The following SDK1 variants were observed in gnomAD, a reference collection of about 807,000 sequenced individuals.
The protein encoded by SDK1 is protein sidekick-1.
Under a neutral mutation model 245.5 loss-of-function variants are expected in SDK1, and 157 were observed. The ratio of observed to expected loss-of-function variants is 0.64; its 90% CI spans 0.56 to 0.73. SDK1 has a LOEUF of 0.73. Among genes scored for constraint, SDK1 ranks in the 30% least tolerant of loss-of-function variants. The pLI, the probability that SDK1 is intolerant of heterozygous loss-of-function variation, is 0.00. For missense variants in SDK1, 3,583 were observed against 3,002.3 expected (o/e 1.19, Z -4.52); for synonymous variants, 1,647 against 1,278.5 (o/e 1.29, Z -6.15).
rs531128728 is a variant in SDK1 at position 3,607,600 on chromosome 7, C to A, written c.299-11480C>A. Among the ~76,000 whole-genome samples, 14 of 152,298 alleles carry A rather than the reference C, an allele frequency of 9.2e-5. 1 individual carries two copies. The South Asian group carries it at 2.5e-3, about 27-fold the overall frequency. On this transcript the variant is annotated intron_variant, in intron 1 of 44. Coordinates refer to ENST00000404826, the MANE Select transcript of SDK1 (RefSeq NM_152744.4). ...CCAATATCTAGACTTCTCTAGAATT[C>A]TGAAGTAATTGAAAGTATGAATGCT...
At chr7:3,884,187 C>T (rs1313387029) in intron 5 of SDK1, among the ~76,000 whole-genome samples, 15 of 151,362 alleles carry the variant, frequency 9.9e-5, no homozygotes, top group Admixed American at 9.9e-4. Context: ...CTCAAGCGAT[C>T]CTCCCACCTC....
At chr7:3,700,789 T>G (rs10247060) in intron 4 of SDK1, among the ~76,000 whole-genome samples, 2,063 of 152,278 alleles carry the variant, frequency 0.014, 48 homozygotes, top group African/African-American at 0.047. Flanking sequence ...ACTTTTGCAC[T>G]TTTTGTTCTT....
intron 2 of SDK1, among the ~76,000 whole-genome samples, chr7:3,620,132 G>C (rs1418118883): frequency 1.3e-5 from 2 of 152,058 alleles, no homozygotes; most frequent in East Asian, 3.9e-4. Flanking sequence ...GGAATAACAA[G>C]CTTCTCAAAT....
chr7:4,245,808 C>A lies in SDK1; in HGVS notation c.6381+3C>A. 2 of 1,613,708 alleles carry A rather than the reference C, an allele frequency of 1.2e-6. No homozygotes were observed. Among genetic ancestry groups the A allele is most frequent in the South Asian group, 2.2e-5 (2 of 91,018 alleles). On this transcript the variant is annotated splice_donor_region_variant and intron_variant, in intron 44 of 44. Transcript: ENST00000404826. The stretch of plus-strand genomic sequence containing the variant: ...CGGCAGATGCATCAGAATCTGAGGT[C>A]AGTGTCGGTGCCTACTTCCGGGCAG...
At chr7:3,792,507 T>C (rs549243067) in intron 4 of SDK1, among the ~76,000 whole-genome samples, 1 of 152,378 alleles carries the variant, frequency 6.6e-6, no homozygotes, top group South Asian at 2.1e-4. Context: ...GTGTCATTCA[T>C]GTTAGTTGAT....
chr7:4,018,230 T>G (rs1484893845), intron 17 of SDK1, among the ~76,000 whole-genome samples: 1 of 152,268 alleles, frequency 6.6e-6, no homozygotes, highest in Non-Finnish European at 1.5e-5. Flanking sequence ...GCTTAGGCAT[T>G]TTTATTGCTA....
In SDK1 at chr7:3,353,992, T is replaced by G. The variant is rs182195659; in HGVS notation, c.298+52108T>G. 4.2e-3 allele frequency among the ~76,000 whole-genome samples: 635 copies of G among 151,908 alleles called. 6 individuals carry two copies. The highest frequency in any genetic ancestry group is 0.017 in the South Asian group (84 of 4,816). ...TAGCCACATTTCAGACCATTTTTCT[T>G]TTCTTTTTTTTTTTTTTTGGGACAG... On this transcript the variant is annotated intron_variant, in intron 1 of 44. Transcript: ENST00000404826.
At chr7:3,612,197 C>T (rs368508203) in intron 1 of SDK1, among the ~76,000 whole-genome samples, 2 of 152,106 alleles carry the variant, frequency 1.3e-5, no homozygotes, top group African/African-American at 2.4e-5. Context: ...AAAGAACTTA[C>T]TCGTGTAACC....
intron 13 of SDK1, among the ~76,000 whole-genome samples, chr7:3,975,788 T>C (rs540312504): frequency 6.6e-6 from 1 of 152,356 alleles, no homozygotes; most frequent in South Asian, 2.1e-4. Context: ...CCTTGTTCTC[T>C]TTAGATAGCA....
chr7:4,077,261 G>A, intron 21 of SDK1, 72 bp downstream of exon 21: 1 of 1,458,152 alleles, frequency 6.9e-7, no homozygotes. Flanking sequence ...GAAGTTGATT[G>A]GCACTTTGGT....
At position 3,730,201 on chromosome 7, in the gene SDK1, A is replaced by C. The variant is rs367754194; in HGVS notation, c.713+88096A>C. The stretch of plus-strand genomic sequence containing the variant: ...ACACTCACATCTGTAGCTGAAACAA[A>C]CAGTCTAGGAAATAGGGAAGGGCAT... On this transcript the variant is annotated intron_variant, in intron 4 of 44. Coordinates refer to ENST00000404826, the MANE Select transcript of SDK1 (RefSeq NM_152744.4). 3.6e-4 allele frequency among the ~76,000 whole-genome samples: 55 copies of C among 152,266 alleles called. 1 individual carries two copies. In the South Asian group the frequency reaches 8.3e-3, roughly 23 times the overall value.
intron 5 of SDK1, among the ~76,000 whole-genome samples, chr7:3,903,204 T>G (rs986251760): frequency 3.3e-5 from 5 of 151,150 alleles, no homozygotes; most frequent in Admixed American, 6.6e-5. Context: ...AGTGCAGTGG[T>G]GTAATCTCGG....
chr7:3,784,588 T>G (rs1780843964), intron 4 of SDK1, among the ~76,000 whole-genome samples: 1 of 152,100 alleles, frequency 6.6e-6, no homozygotes, highest in Non-Finnish European at 1.5e-5. Context: ...GACATACAAA[T>G]GGCTGACAGA....
At chr7:3,786,992 G>C (rs1264145763) in intron 4 of SDK1, among the ~76,000 whole-genome samples, 1 of 152,064 alleles carries the variant, frequency 6.6e-6, no homozygotes, top group Non-Finnish European at 1.5e-5. Context: ...CTCTTACTCT[G>C]ACAAGCAGAA....
chr7:3,537,873 A>C (rs1362650170), intron 1 of SDK1, among the ~76,000 whole-genome samples: 1 of 152,182 alleles, frequency 6.6e-6, no homozygotes, highest in Non-Finnish European at 1.5e-5. Flanking sequence ...AAATCCAGGT[A>C]ATCTCCCTGT....
chr7:3,904,074 T>C (rs59826152), intron 5 of SDK1, among the ~76,000 whole-genome samples: 11,324 of 152,176 alleles, frequency 0.074, 1,389 homozygotes, highest in African/African-American at 0.26. Context: ...CTCTTTTCTT[T>C]ATAAACCACC....
At chr7:4,219,541 C>G (rs180957469) in intron 38 of SDK1, among the ~76,000 whole-genome samples, 1 of 152,186 alleles carries the variant, frequency 6.6e-6, no homozygotes, top group African/African-American at 2.4e-5. Context: ...TTCACTACCA[C>G]GAGAACAGAA....
chr7:3,859,128 C>T (rs1055189385), intron 5 of SDK1, among the ~76,000 whole-genome samples: 1 of 152,098 alleles, frequency 6.6e-6, no homozygotes, highest in African/African-American at 2.4e-5. Flanking sequence ...TCCCAAAGTG[C>T]TGGGATTACA....
Position 3,795,521 on chromosome 7 carries a change from A to G in SDK1, c.714-25929A>G, listed in dbSNP as rs59894647. On this transcript the variant is annotated intron_variant, in intron 4 of 44. Transcript: ENST00000404826. ...CTTAGTGACTTTAAAGAGCAAAGCT[A>G]GGAGGATTGGCTGCGCTCATGGAAA... 7.1e-3 allele frequency among the ~76,000 whole-genome samples: 1,080 copies of G among 152,282 alleles called. 10 individuals carry two copies. Among genetic ancestry groups the G allele is most frequent in the African/African-American group, 0.024 (1,011 of 41,562 alleles).
Sources: gnomAD v4.1 joint callset for allele counts (sites outside exome capture counted in the v4.1 genomes callset) on GRCh38, gnomAD v4.1.1 for gene constraint, MANE v1.5 for transcripts, NCBI Gene and HGNC (gene_info 2026-07-23, HGNC 2026-07-21) for gene names.